EIF3H: variants seen among roughly 807,000 people sequenced by gnomAD.
The protein encoded by EIF3H is eukaryotic translation initiation factor 3 subunit H, also known as eIF-3-gamma.
Under a neutral mutation model 44.2 loss-of-function variants are expected in EIF3H, and 26 were observed. That is an observed-to-expected ratio of 0.59 (90% CI 0.43 to 0.82). The LOEUF (loss-of-function observed/expected upper bound fraction) is 0.82, where lower values mean the gene tolerates loss of function less well. Among genes scored for constraint, EIF3H ranks in the 40% least tolerant of loss-of-function variants. EIF3H has a pLI of 0.00. For missense variants in EIF3H, 359 were observed against 432.8 expected (o/e 0.83, Z 1.51); for synonymous variants, 166 against 151.9 (o/e 1.09, Z -0.68).
At chr8:116,653,016 A>C (rs1813422338) in intron 5 of EIF3H, among the ~76,000 whole-genome samples, 1 of 152,200 alleles carries the variant, frequency 6.6e-6, no homozygotes, top group African/African-American at 2.4e-5. Flanking sequence ...TCAGAGAAAG[A>C]AAAGATCATC....
intron 1 of EIF3H, among the ~76,000 whole-genome samples, chr8:116,752,760 G>A (rs1157165185): frequency 0.022 from 446 of 20,010 alleles, 20 homozygotes; most frequent in East Asian, 0.074. Flanking sequence ...AAAGAGGGAG[G>A]GAGGGAGGGA....
At position 116,678,783 on chromosome 8, in the gene EIF3H, G is replaced by GC. The variant is rs751202705; in HGVS notation, c.290-19804dup. On this transcript the variant is annotated intron_variant, in intron 2 of 7. Transcript: ENST00000521861. ...AACCGCCCCGTCTGAGAAGTGAGGA[G>GC]CCCCTCCGTCCGGCAGCCACCCCGT... 1.8e-4 allele frequency among the ~76,000 whole-genome samples: 27 copies of GC among 146,432 alleles called. No individual in the cohort carries two copies. The East Asian group carries it at 2.7e-3, about 14-fold the overall frequency.
chr8:116,734,082 T>A (rs961037157), intron 1 of EIF3H, among the ~76,000 whole-genome samples: 2 of 152,096 alleles, frequency 1.3e-5, no homozygotes, highest in African/African-American at 4.8e-5. Flanking sequence ...AGAATGAGAG[T>A]AAAAATGGCA....
At chr8:116,728,377 A>T (rs1249106659) in intron 1 of EIF3H, among the ~76,000 whole-genome samples, 1 of 152,100 alleles carries the variant, frequency 6.6e-6, no homozygotes, top group Admixed American at 6.5e-5. Context: ...AGTAGAGCCA[A>T]GATTTAAACC....
At chr8:116,683,426 T>C (rs1024791500) in intron 2 of EIF3H, among the ~76,000 whole-genome samples, 1 of 152,178 alleles carries the variant, frequency 6.6e-6, no homozygotes, top group African/African-American at 2.4e-5. Flanking sequence ...TCACGCTCTC[T>C]TGTGCCTCTT....
rs1204118083 is a variant in EIF3H at position 116,644,078 on chromosome 8, T to A, written c.*928A>T. ...AAAATGAAGTTTACTTGTGGTGGCA[T>A]GATTCTTTTCTTTAAAATTTCTGTG... On this transcript the variant is annotated 3_prime_UTR_variant, in exon 8 of 8. Transcript: ENST00000521861. 1 of 152,190 alleles carries A rather than the reference T, an allele frequency of 6.6e-6. No individual in the cohort carries two copies. Among genetic ancestry groups the A allele is most frequent in the Admixed American group, 6.5e-5 (1 of 15,268 alleles). The allele number at this position is 152,190 out of a possible 1,614,324, so 9.4% of individuals were successfully genotyped here.
At chr8:116,645,151 A>C (rs200481842) in intron 7 of EIF3H, 48 bp from the exon 8 acceptor site, 123 of 1,446,276 alleles carry the variant, frequency 8.5e-5, no homozygotes, top group Middle Eastern at 5.2e-4. Flanking sequence ...ACAAATTGTA[A>C]AATGATCCAG....
At chr8:116,714,394 T>G (rs890584705) in intron 2 of EIF3H, among the ~76,000 whole-genome samples, 1 of 152,208 alleles carries the variant, frequency 6.6e-6, no homozygotes, top group East Asian at 1.9e-4. Context: ...ATCAATTCTG[T>G]TTTACAATTT....
chr8:116,702,719 G>GA (rs1814398998), intron 2 of EIF3H, among the ~76,000 whole-genome samples: 1 of 152,130 alleles, frequency 6.6e-6, no homozygotes, highest in African/African-American at 2.4e-5. Flanking sequence ...GGGAGGGGGA[G>GA]GGTGCACAGA....
chr8:116,681,919 G>A (rs1311880419), intron 2 of EIF3H, among the ~76,000 whole-genome samples: 2 of 152,128 alleles, frequency 1.3e-5, no homozygotes, highest in African/African-American at 4.8e-5. Context: ...TAAGTTTAAA[G>A]ATATAGATAA....
chr8:116,731,751 C>T (rs1814953390), intron 1 of EIF3H, among the ~76,000 whole-genome samples: 1 of 152,170 alleles, frequency 6.6e-6, no homozygotes, highest in Non-Finnish European at 1.5e-5. Flanking sequence ...CATCTGACCC[C>T]GTTATCTAAG....
At chr8:116,763,575 A>T (rs1815540517) in intron 1 of EIF3H, among the ~76,000 whole-genome samples, 1 of 152,212 alleles carries the variant, frequency 6.6e-6, no homozygotes, top group Non-Finnish European at 1.5e-5. Flanking sequence ...GATGGAGCCT[A>T]TCCTAGGGGA....
At chr8:116,752,719 A>AAAAGG (rs1815367010) in intron 1 of EIF3H, among the ~76,000 whole-genome samples, 2 of 121,846 alleles carry the variant, frequency 1.6e-5, no homozygotes. Context: ...AAAGAAAGAA[A>AAAAGG]GAAAGAAAGA....
intron 2 of EIF3H, among the ~76,000 whole-genome samples, chr8:116,707,620 A>G (rs924138669): frequency 2.6e-5 from 4 of 152,162 alleles, no homozygotes; most frequent in African/African-American, 4.8e-5. Context: ...CTTTTACTCA[A>G]TCTTTTGTCA....
intron 2 of EIF3H, among the ~76,000 whole-genome samples, chr8:116,681,028 T>C (rs1210823196): frequency 2.0e-5 from 3 of 151,588 alleles, no homozygotes; most frequent in African/African-American, 7.3e-5. Context: ...ATGAGGATTA[T>C]TCAATAATAC....
Position 116,642,233 on chromosome 8 carries a change from G to A in EIF3H, c.*2773C>T, listed in dbSNP as rs1051078062. The A allele has an allele frequency of 5.9e-5, 9 of 152,046 alleles. No homozygotes were observed. The highest frequency in any genetic ancestry group is 2.2e-4 in the African/African-American group (9 of 41,402). The allele number at this position is 152,046 out of a possible 1,614,324, so 9.4% of individuals were successfully genotyped here. ...TACACCTGAGTTCGATGCCAGCATG[G>A]TTTGAAAGTGAAGCTGATACAAGTT... On this transcript the variant is annotated 3_prime_UTR_variant, in exon 8 of 8. Coordinates refer to ENST00000521861, the MANE Select transcript of EIF3H (RefSeq NM_003756.3).
intron 2 of EIF3H, among the ~76,000 whole-genome samples, chr8:116,675,774 C>T (rs1267785712): frequency 1.3e-5 from 2 of 152,152 alleles, no homozygotes; most frequent in Admixed American, 6.5e-5. Flanking sequence ...TTAACCAAAA[C>T]AAACTACCCT....
At chr8:116,664,640 T>C (rs914512393) in intron 2 of EIF3H, among the ~76,000 whole-genome samples, 2 of 152,088 alleles carry the variant, frequency 1.3e-5, no homozygotes, top group African/African-American at 4.8e-5. Context: ...GAGGAGAAAG[T>C]AGAAAAGTAA....
At chr8:116,754,255 A>C (rs1815405224) in intron 1 of EIF3H, among the ~76,000 whole-genome samples, 1 of 152,070 alleles carries the variant, frequency 6.6e-6, no homozygotes, top group African/African-American at 2.4e-5. Context: ...CTGAGATTAC[A>C]GGCGCGTGCC....
Sources: gnomAD v4.1 joint callset for allele counts (sites outside exome capture counted in the v4.1 genomes callset) on GRCh38, gnomAD v4.1.1 for gene constraint, MANE v1.5 for transcripts, NCBI Gene and HGNC (gene_info 2026-07-23, HGNC 2026-07-21) for gene names.